The following PLCB4 variants were observed in gnomAD, a reference collection of about 807,000 sequenced individuals.
PLCB4 encodes phospholipase C beta 4.
Under a neutral mutation model 178.8 loss-of-function variants are expected in PLCB4, and 77 were observed. That is an observed-to-expected ratio of 0.43 (90% confidence interval 0.36 to 0.52). The LOEUF is 0.52. Among genes scored for constraint, PLCB4 ranks in the 20% least tolerant of loss-of-function variants. The pLI, the probability that PLCB4 is intolerant of heterozygous loss-of-function variation, is 0.00. For synonymous variants in PLCB4, 496 were observed against 490.8 expected (o/e 1.01, Z -0.14); for missense variants, 1,024 against 1,453.4 (o/e 0.70, Z 4.80).
chr20:9,288,696 G>A (rs948889032), intron 3 of PLCB4, among the ~76,000 whole-genome samples: 4 of 151,866 alleles, frequency 2.6e-5, no homozygotes, highest in Non-Finnish European at 4.4e-5. Context: ...GTGGAGGGAT[G>A]GCCACATGTG....
At chr20:9,240,585 T>G (rs1162390031) in intron 3 of PLCB4, among the ~76,000 whole-genome samples, 1 of 152,224 alleles carries the variant, frequency 6.6e-6, no homozygotes, top group African/African-American at 2.4e-5. Flanking sequence ...GATTTTTTCC[T>G]GCTATTCCCT....
intron 2 of PLCB4, among the ~76,000 whole-genome samples, chr20:9,171,182 T>G (rs532239677): frequency 1.6e-4 from 25 of 152,336 alleles, no homozygotes; most frequent in African/African-American, 5.3e-4. Context: ...AGGTATTTTC[T>G]GTAAGAAATC....
intron 2 of PLCB4, among the ~76,000 whole-genome samples, chr20:9,166,951 T>C (rs2092983385): frequency 6.6e-6 from 1 of 152,162 alleles, no homozygotes; most frequent in Non-Finnish European, 1.5e-5. Context: ...AAGAGAGAAA[T>C]TGAAGACAAA....
intron 1 of PLCB4, among the ~76,000 whole-genome samples, chr20:9,088,178 C>CTTTTT (rs10554943): frequency 2.0e-5 from 2 of 99,188 alleles, no homozygotes; most frequent in Non-Finnish European, 4.7e-5. Flanking sequence ...CTTTTCTTTT[C>CTTTTT]TTTTTTTTTT....
chr20:9,167,815 G>A (rs1458314805), intron 2 of PLCB4, among the ~76,000 whole-genome samples: 1 of 152,122 alleles, frequency 6.6e-6, no homozygotes, highest in Non-Finnish European at 1.5e-5. Flanking sequence ...AGTTAGGCAC[G>A]CCTTAAACAC....
intron 3 of PLCB4, among the ~76,000 whole-genome samples, chr20:9,241,586 C>G (rs1185254107): frequency 6.6e-6 from 1 of 152,156 alleles, no homozygotes; most frequent in Non-Finnish European, 1.5e-5. Context: ...TCACCAGATG[C>G]ATTCAAGATT....
chr20:9,100,281 T>C (rs958853202), intron 2 of PLCB4, among the ~76,000 whole-genome samples: 2 of 152,186 alleles, frequency 1.3e-5, no homozygotes, highest in African/African-American at 4.8e-5. Flanking sequence ...GAAACAGCCT[T>C]CCCATGAGTA....
intron 2 of PLCB4, among the ~76,000 whole-genome samples, chr20:9,214,858 A>G (rs2093712055): frequency 6.6e-6 from 1 of 152,192 alleles, no homozygotes; most frequent in African/African-American, 2.4e-5. Context: ...ACATGTTGCA[A>G]TATCTTATAT....
intron 3 of PLCB4, among the ~76,000 whole-genome samples, chr20:9,218,620 C>G (rs1007639649): frequency 1.5e-4 from 23 of 152,152 alleles, no homozygotes; most frequent in Admixed American, 3.9e-4. Context: ...ATGTGAGATA[C>G]TTCATTATCT....
chr20:9,126,878 A>T (rs772082949), intron 2 of PLCB4, among the ~76,000 whole-genome samples: 3 of 150,806 alleles, frequency 2.0e-5, no homozygotes, highest in Non-Finnish European at 4.4e-5. Context: ...TTGCCTTATG[A>T]TAGATTTTTC....
In PLCB4 at chr20:9,467,430, A is replaced by AAAAT. The variant is rs143396869; in HGVS notation, c.3249-1125_3249-1122dup. Among the ~76,000 whole-genome samples, 264 of 152,198 alleles carry AAAAT rather than the reference A, an allele frequency of 1.7e-3. 2 individuals are homozygous for AAAAT. In the South Asian group the frequency reaches 0.023, roughly 13 times the overall value. Reference sequence around the variant, plus strand: ...CACCCTAGAACTTAAAGTATAATAAAAAATAAATAAATAAATAAAATAAAT... The same window carrying AAAAT: ...CACCCTAGAACTTAAAGTATAATAAAAAATAAATAAATAAATAAATAAAATAAAT... On this transcript the variant is annotated intron_variant, in intron 35 of 39. Coordinates refer to ENST00000378473, the MANE Select transcript of PLCB4 (RefSeq NM_001377142.1).
chr20:9,443,156 T>C (rs2042213456), intron 30 of PLCB4, among the ~76,000 whole-genome samples: 1 of 152,226 alleles, frequency 6.6e-6, no homozygotes, highest in Non-Finnish European at 1.5e-5. Context: ...GCTCCTGTTA[T>C]ACACTGGTTT....
intron 2 of PLCB4, among the ~76,000 whole-genome samples, chr20:9,101,264 C>T (rs369179007): frequency 6.6e-6 from 1 of 152,106 alleles, no homozygotes; most frequent in Non-Finnish European, 1.5e-5. Context: ...GACAAGGCGT[C>T]GAAACCCCAG....
chr20:9,147,957 T>A (rs568516459), intron 2 of PLCB4, among the ~76,000 whole-genome samples: 63 of 152,258 alleles, frequency 4.1e-4, no homozygotes, highest in Middle Eastern at 6.8e-3. Context: ...GAGGTCAGAC[T>A]TTTCTCCATG....
At chr20:9,342,254 CATAGAT>C (rs1282408292) in intron 7 of PLCB4, among the ~76,000 whole-genome samples, 1 of 152,140 alleles carries the variant, frequency 6.6e-6, no homozygotes, top group Admixed American at 6.5e-5. Context: ...ATGAAATACA[CATAGAT>C]ATAATTACCT....
chr20:9,085,143 G>A (rs1281134699), intron 1 of PLCB4, among the ~76,000 whole-genome samples: 1 of 151,702 alleles, frequency 6.6e-6, no homozygotes, highest in African/African-American at 2.4e-5. Context: ...TATTTTATTA[G>A]TTAGGTAATG....
At chr20:9,281,464 G>A (rs1202648551) in intron 3 of PLCB4, among the ~76,000 whole-genome samples, 2 of 151,888 alleles carry the variant, frequency 1.3e-5, no homozygotes, top group African/African-American at 4.8e-5. Flanking sequence ...TTTAAAATAA[G>A]TCATGGTATA....
In PLCB4 at chr20:9,127,878, G is replaced by A. The variant is rs541182210; in HGVS notation, c.-79+31536G>A. 3.3e-5 allele frequency among the ~76,000 whole-genome samples: 5 copies of A among 152,124 alleles called. No individual in the cohort carries two copies. In the East Asian group the frequency reaches 7.7e-4, roughly 24 times the overall value. On this transcript the variant is annotated intron_variant, in intron 2 of 39. Coordinates refer to ENST00000378473, the MANE Select transcript of PLCB4 (RefSeq NM_001377142.1). ...TTTTGTATTTTTTTAGTAGAGACGG[G>A]GTTTTATCATGTTGGCCAGACTCGT...
intron 2 of PLCB4, among the ~76,000 whole-genome samples, chr20:9,155,803 A>G (rs2092777589): frequency 6.6e-6 from 1 of 152,194 alleles, no homozygotes; most frequent in Non-Finnish European, 1.5e-5. Context: ...CTAAACTCCC[A>G]GGGAGTAAGA....
Sources: allele counts gnomAD v4.1 joint callset (sites outside exome capture counted in the v4.1 genomes callset), GRCh38; gene constraint gnomAD v4.1.1; transcripts MANE v1.5; gene names NCBI Gene and HGNC (gene_info 2026-07-23, HGNC 2026-07-21).